The following GPT2 variants were observed in gnomAD, a reference collection of about 807,000 sequenced individuals.
The protein encoded by GPT2 is glutamic--pyruvic transaminase 2, also known as alanine aminotransferase 2.
Under a neutral mutation model 56.9 loss-of-function variants are expected in GPT2, and 30 were observed. That is an observed-to-expected ratio of 0.53 (90% CI 0.39 to 0.72). The LOEUF (loss-of-function observed/expected upper bound fraction) is 0.72, where lower values mean the gene tolerates loss of function less well. Among genes scored for constraint, GPT2 ranks in the 30% least tolerant of loss-of-function variants. GPT2 has a pLI of 0.00. For missense variants in GPT2, 542 were observed against 703.4 expected, an observed-to-expected ratio of 0.77 and a Z score of 2.60; for synonymous variants, 271 against 283.1, an observed-to-expected ratio of 0.96 and a Z score of 0.43.
chr16:46,904,839 C>T (rs1960888048), intron 4 of GPT2, among the ~76,000 whole-genome samples: 1 of 152,188 alleles, frequency 6.6e-6, no homozygotes, highest in Non-Finnish European at 1.5e-5. Flanking sequence ...CTAACACCAG[C>T]ATCTGCACCT....
At chr16:46,885,464 T>C in intron 2 of GPT2, 3 of 985,176 alleles carry the variant, frequency 3.0e-6, no homozygotes, top group Non-Finnish European at 3.6e-6. Context: ...CTTTGGCCTT[T>C]AGGGTCTTTG....
intron 6 of GPT2, among the ~76,000 whole-genome samples, chr16:46,911,699 G>A (rs896674991): frequency 1.3e-5 from 2 of 152,180 alleles, no homozygotes; most frequent in Admixed American, 1.3e-4. Flanking sequence ...TCAGACACTT[G>A]GATGTAATTG....
intron 6 of GPT2, among the ~76,000 whole-genome samples, chr16:46,914,722 C>T (rs1012692114): frequency 1.3e-5 from 2 of 152,136 alleles, no homozygotes; most frequent in Admixed American, 6.5e-5. Context: ...TGCTGTCTTC[C>T]AGGGCAGACG....
intron 6 of GPT2, chr16:46,916,019 TACC>T (rs1372644680): frequency 6.6e-6 from 1 of 150,772 alleles, no homozygotes; most frequent in Non-Finnish European, 1.5e-5. Context: ...CACCTACAAA[TACC>T]ACACCACACC....
In GPT2 at chr16:46,909,877, A is replaced by ATAAT; in HGVS notation, c.770_771insTAAT (p.His258AsnfsTer4). On this transcript the variant is annotated frameshift_variant, in exon 6 of 12. Coordinates refer to ENST00000340124, the MANE Select transcript of GPT2 (RefSeq NM_133443.4). LOFTEE classifies it high-confidence loss of function. ...CGGCGGGCGGTGCAGGAGGCCAAAGACCACTGTGATCCTAAGGTGCTCTGC... is the reference window on the plus strand; with the variant it reads ...CGGCGGGCGGTGCAGGAGGCCAAAGATAATCCACTGTGATCCTAAGGTGCTCTGC... 1.2e-6 allele frequency: 2 copies of ATAAT among 1,614,008 alleles called. No individual in the cohort carries two copies. The highest frequency in any genetic ancestry group is 1.7e-6 in the Non-Finnish European group (2 of 1,179,994).
chr16:46,909,971 G>A, intron 6 of GPT2, 44 bp downstream of exon 6: 1 of 1,538,816 alleles, frequency 6.5e-7, no homozygotes, highest in Non-Finnish European at 8.8e-7. Context: ...GGGTGGGGGT[G>A]GCTGATACAC....
chr16:46,900,691 C>T lies in GPT2; in HGVS notation c.343C>T (p.Leu115=), dbSNP rs115740639. The part of the protein sequence containing the change: ...PITFLRQVMA[L]CTYPNLLDSP... ...TGTCTTGTTCCCCCAGGTGATGGCA[C>T]TATGCACCTACCCAAACCTGCTGGA... Residue 115 remains leucine, a synonymous_variant, in exon 4 of 12, where the codon CTA becomes TTA. Transcript: ENST00000340124. 649 of 1,613,762 alleles carry T rather than the reference C, an allele frequency of 4.0e-4. 3 individuals carry two copies. The African/African-American group carries it at 7.3e-3, about 18-fold the overall frequency.
chr16:46,928,235 G>T (rs972994470), intron 11 of GPT2, among the ~76,000 whole-genome samples: 13 of 152,038 alleles, frequency 8.6e-5, no homozygotes, highest in African/African-American at 2.9e-4. Context: ...GGCTGAGATG[G>T]GAGGATCACC....
intron 8 of GPT2, among the ~76,000 whole-genome samples, chr16:46,919,620 C>T (rs1029038945): frequency 2.0e-5 from 3 of 152,180 alleles, no homozygotes; most frequent in Non-Finnish European, 4.4e-5. Context: ...GGAGTGGAGA[C>T]CTGAGAATTA....
At chr16:46,917,892 C>T (rs1961201754) in intron 7 of GPT2, among the ~76,000 whole-genome samples, 1 of 152,144 alleles carries the variant, frequency 6.6e-6, no homozygotes, top group South Asian at 2.1e-4. Flanking sequence ...TCCTCACAAC[C>T]TGGTATACAG....
Position 46,897,649 on chromosome 16 carries a change from G to T in GPT2, c.245G>T (p.Gly82Val). The change falls in exon 3 of 12, where the codon GGT becomes GTT. Residue 82 changes from glycine to valine, a missense_variant and splice_region_variant. By Grantham distance (109) the Gly-to-Val change is moderately radical. Transcript: ENST00000340124. Reference sequence around the variant, plus strand: ...ACCTGTTGCTTTCTCTCTGCCCAGGGTATCAAAAAGCCATTCACAGAGGTC... The same window carrying T: ...ACCTGTTGCTTTCTCTCTGCCCAGGTTATCAAAAAGCCATTCACAGAGGTC... The part of the protein sequence containing the change: ...AGEIELELQR[G>V]IKKPFTEVIR... 3 of 1,613,832 alleles carry T rather than the reference G, an allele frequency of 1.9e-6. No individual in the cohort carries two copies. Among genetic ancestry groups the T allele is most frequent in the South Asian group, 1.1e-5 (1 of 91,062 alleles).
intron 4 of GPT2, among the ~76,000 whole-genome samples, chr16:46,902,534 A>T (rs1444239308): frequency 6.6e-6 from 1 of 152,138 alleles, no homozygotes; most frequent in Non-Finnish European, 1.5e-5. Context: ...CAGGAGTAAA[A>T]AGAAATGGAG....
chr16:46,915,130 G>A (rs1388151453), intron 6 of GPT2, among the ~76,000 whole-genome samples: 1 of 151,876 alleles, frequency 6.6e-6, no homozygotes, highest in African/African-American at 2.4e-5. Flanking sequence ...CATGCGGTCT[G>A]GAACTCCTGG....
At chr16:46,917,762 A>G (rs1026584842) in intron 7 of GPT2, among the ~76,000 whole-genome samples, 7 of 152,102 alleles carry the variant, frequency 4.6e-5, no homozygotes, top group African/African-American at 1.7e-4. Context: ...ACACACGTAC[A>G]TAGACACACA....
At chr16:46,887,991 C>T (rs1281160073) in intron 2 of GPT2, among the ~76,000 whole-genome samples, 1 of 152,178 alleles carries the variant, frequency 6.6e-6, no homozygotes, top group African/African-American at 2.4e-5. Flanking sequence ...GTGTTCACTG[C>T]GAGCAGCACT....
intron 5 of GPT2, among the ~76,000 whole-genome samples, chr16:46,909,034 A>C (rs1960991346): frequency 1.3e-5 from 2 of 152,146 alleles, no homozygotes; most frequent in African/African-American, 4.8e-5. Flanking sequence ...CTCAGCTTGG[A>C]AAACAGGTCA....
intron 6 of GPT2, among the ~76,000 whole-genome samples, chr16:46,914,509 C>T (rs1219643790): frequency 3.9e-5 from 6 of 152,168 alleles, no homozygotes; most frequent in Non-Finnish European, 5.9e-5. Flanking sequence ...TGCACTCCAG[C>T]CTGGGTGACA....
intron 5 of GPT2, among the ~76,000 whole-genome samples, chr16:46,909,328 A>G (rs535448973): frequency 6.6e-6 from 1 of 152,184 alleles, no homozygotes; most frequent in Middle Eastern, 3.4e-3. Flanking sequence ...TAAATTTTTA[A>G]GTAGGGAGGT....
intron 10 of GPT2, among the ~76,000 whole-genome samples, chr16:46,925,222 T>A (rs1232021022): frequency 6.6e-6 from 1 of 151,904 alleles, no homozygotes; most frequent in Non-Finnish European, 1.5e-5. Flanking sequence ...GTTTTTTTGT[T>A]TTTTGTTTTT....
Sources: gnomAD v4.1 joint callset for allele counts (sites outside exome capture counted in the v4.1 genomes callset) on GRCh38, gnomAD v4.1.1 for gene constraint, MANE v1.5 for transcripts, NCBI Gene and HGNC (gene_info 2026-07-23, HGNC 2026-07-21) for gene names.